The following AVEN variants were observed in gnomAD, a reference collection of about 807,000 sequenced individuals.
AVEN encodes cell death regulator Aven.
A neutral mutation model predicts 38.1 loss-of-function variants in AVEN; 41 were observed. That is an observed-to-expected ratio of 1.08 (90% CI 0.84 to 1.40). The LOEUF (loss-of-function observed/expected upper bound fraction) is 1.40, where lower values mean the gene tolerates loss of function less well. AVEN is among the 40% of genes most tolerant of loss of function. AVEN has a pLI of 0.00. For missense variants in AVEN, 605 were observed against 438.8 expected, an observed-to-expected ratio of 1.38 and a Z score of -3.38; for synonymous variants, 206 against 171.8, an observed-to-expected ratio of 1.20 and a Z score of -1.56.
intron 2 of AVEN, among the ~76,000 whole-genome samples, chr15:33,880,408 G>C (rs944818444): frequency 2.0e-5 from 3 of 152,188 alleles, no homozygotes; most frequent in Admixed American, 6.5e-5. Context: ...AGCTCTGCTA[G>C]TCTTACAGCA....
the AVEN span, chr15:33,852,939 C>G: frequency 4.1e-6 from 4 of 983,920 alleles, no homozygotes; most frequent in South Asian, 5.8e-5. Context: ...GAGCAGGACA[C>G]AAACCAGAAA....
At chr15:34,000,497 A>G (rs1017769376) in intron 2 of AVEN, among the ~76,000 whole-genome samples, 1 of 152,222 alleles carries the variant, frequency 6.6e-6, no homozygotes, top group African/African-American at 2.4e-5. Context: ...CAATTTGGCA[A>G]TATCTAGAAA....
At chr15:34,056,365 C>T (rs1900149606) in intron 5 of AVEN, among the ~76,000 whole-genome samples, 1 of 152,178 alleles carries the variant, frequency 6.6e-6, no homozygotes, top group South Asian at 2.1e-4. Context: ...TTGTTTTTTA[C>T]TAAAATGCAT....
At chr15:33,881,240 C>T (rs1363029162) in intron 2 of AVEN, among the ~76,000 whole-genome samples, 1 of 151,686 alleles carries the variant, frequency 6.6e-6, no homozygotes, top group African/African-American at 2.4e-5. Context: ...CAGGTGCACA[C>T]CACCATGCCC....
chr15:34,054,406 T>C (rs1342476028), intron 5 of AVEN, among the ~76,000 whole-genome samples: 2 of 152,132 alleles, frequency 1.3e-5, no homozygotes, highest in East Asian at 3.9e-4. Flanking sequence ...CTATCCACAA[T>C]AGCAAAGACA....
chr15:33,998,290 A>G (rs1455300791), intron 2 of AVEN, among the ~76,000 whole-genome samples: 5 of 152,114 alleles, frequency 3.3e-5, no homozygotes, highest in African/African-American at 1.2e-4. Context: ...TTCTGGATCT[A>G]TCAACAAGTA....
downstream of AVEN, chr15:33,858,236 C>G (rs1331594857): frequency 1.6e-5 from 4 of 245,726 alleles, no homozygotes; most frequent in Non-Finnish European, 3.2e-5. Flanking sequence ...TGGAGTTTTG[C>G]TTTTGTCGCC....
intron 1 of AVEN, chr15:34,007,117 C>T (rs1897388741): frequency 1.1e-6 from 1 of 922,974 alleles, no homozygotes; most frequent in African/African-American, 1.8e-5. Flanking sequence ...AGCTGAAGAC[C>T]TATTATATAA....
intron 2 of AVEN, among the ~76,000 whole-genome samples, chr15:33,931,349 CTTTTTTTTTTTTTTTTTTTTTTTTTTTT>C (rs71119903): frequency 3.4e-5 from 3 of 89,294 alleles, no homozygotes; most frequent in African/African-American, 1.0e-4. Flanking sequence ...TGAATATTTT[CTTTTTTTTTTTTTTTTTTTTTTTTTTTT>C]TTTTTTTTTT....
rs567499299 is a variant in AVEN, at chr15:33,860,752, GC to G, written n.2730-1659del. On this transcript the variant is annotated intron_variant and non_coding_transcript_variant, in intron 11 of 11. Coordinates refer to the AVEN transcript ENST00000675287. Reference sequence around the variant, plus strand: ...ACAATAGGTTTTACTATTACTTAGGGCCAGTACTAAGCAAGAACGCAGTTTG... The same window carrying G: ...ACAATAGGTTTTACTATTACTTAGGGCAGTACTAAGCAAGAACGCAGTTTG... 2.8e-3 allele frequency: 2,713 copies of G among 968,690 alleles called. 22 individuals carry two copies. The highest frequency in any genetic ancestry group is 7.3e-3 in the South Asian group (451 of 62,158). 60.0% of individuals were successfully genotyped at this position (968,690 alleles called of 1,614,324 possible).
At chr15:34,030,439 A>G (rs944402038) in intron 1 of AVEN, among the ~76,000 whole-genome samples, 2 of 151,502 alleles carry the variant, frequency 1.3e-5, no homozygotes, top group African/African-American at 4.9e-5. Context: ...TCCGCCTCCC[A>G]GGTTCATGCC....
At chr15:34,073,186 G>A (rs1312112439) in intron 1 of AVEN, among the ~76,000 whole-genome samples, 6 of 148,512 alleles carry the variant, frequency 4.0e-5, no homozygotes, top group Non-Finnish European at 7.4e-5. Context: ...GACTACAGGC[G>A]CCCGCCACCT....
chr15:33,866,614 T>TAA lies in AVEN; in HGVS notation c.1087_1088insTT (p.Ter363PhefsTer9). The TAA allele has an allele frequency of 4.3e-6, 7 of 1,611,956 alleles. No individual in the cohort carries two copies. Among genetic ancestry groups the TAA allele is most frequent in the Non-Finnish European group, 5.1e-6 (6 of 1,178,840 alleles). On this transcript the variant is annotated frameshift_variant and stop_lost, in exon 6 of 6. Coordinates refer to ENST00000306730, the MANE Select transcript of AVEN (RefSeq NM_020371.3). LOFTEE classifies it high-confidence loss of function. ...CTTCAGGCACTTTTTTTCCCCTTTT[T>TAA]AGGAAATCATGCTGTCCAACCAGTC...
intron 1 of AVEN, among the ~76,000 whole-genome samples, chr15:34,022,695 C>T (rs1400547387): frequency 6.6e-6 from 1 of 152,196 alleles, no homozygotes; most frequent in African/African-American, 2.4e-5. Flanking sequence ...CTCTCTGCTT[C>T]ACAGAATTTT....
intron 1 of AVEN, among the ~76,000 whole-genome samples, chr15:34,022,167 T>C (rs182239048): frequency 1.3e-5 from 2 of 152,346 alleles, no homozygotes; most frequent in East Asian, 3.9e-4. Context: ...CTGCTTTCTA[T>C]TGCTCCTCAG....
At chr15:33,887,121 T>C (rs370561678) in intron 2 of AVEN, among the ~76,000 whole-genome samples, 41 of 152,298 alleles carry the variant, frequency 2.7e-4, no homozygotes, top group African/African-American at 9.4e-4. Flanking sequence ...TGTAAGATAA[T>C]TTTTTTCGGG....
downstream of AVEN, chr15:33,864,255 G>T: frequency 1.6e-6 from 2 of 1,276,986 alleles, no homozygotes; most frequent in Non-Finnish European, 2.2e-6. Flanking sequence ...ACTTAGTAGG[G>T]CATAGGTTAT....
intron 2 of AVEN, among the ~76,000 whole-genome samples, chr15:33,947,155 C>T (rs1255813835): frequency 6.6e-6 from 1 of 152,098 alleles, no homozygotes; most frequent in South Asian, 2.1e-4. Flanking sequence ...CAAAGTCAAG[C>T]GCAAGACTCC....
intron 1 of AVEN, among the ~76,000 whole-genome samples, chr15:34,073,983 C>CTTT (rs1567498505): frequency 3.4e-4 from 7 of 20,814 alleles, no homozygotes; most frequent in African/African-American, 8.4e-4. Flanking sequence ...CTTTTTTCTT[C>CTTT]TTCTTCTTTT....
Sources: allele counts gnomAD v4.1 joint callset (sites outside exome capture counted in the v4.1 genomes callset), GRCh38; gene constraint gnomAD v4.1.1; transcripts MANE v1.5; gene names NCBI Gene and HGNC (gene_info 2026-07-23, HGNC 2026-07-21).